Variants in DPY19L3 observed in about 807,000 individuals in gnomAD.
DPY19L3 encodes the protein protein C-mannosyl-transferase DPY19L3.
In DPY19L3, 51 loss-of-function variants were observed where a neutral mutation model predicts 92.3. The observed-to-expected ratio is 0.55, with a 90% confidence interval of 0.44 to 0.70. The LOEUF (loss-of-function observed/expected upper bound fraction) is 0.70, where lower values mean the gene tolerates loss of function less well. Ranked by LOEUF, DPY19L3 falls within the 30% of genes least tolerant of loss-of-function variation. DPY19L3 has a pLI of 0.00. For synonymous variants in DPY19L3, 309 were observed against 315.2 expected, an observed-to-expected ratio of 0.98 and a Z score of 0.21; for missense variants, 706 against 855.9, an observed-to-expected ratio of 0.82 and a Z score of 2.18.
chr19:32,463,276 G>T (rs1970096924), intron 12 of DPY19L3, 90 bp from the exon 13 acceptor site: 48 of 1,359,758 alleles, frequency 3.5e-5, no homozygotes, highest in Non-Finnish European at 4.7e-5. Context: ...AATACATAAA[G>T]GCATACATTT....
At chr19:32,475,201 T>G (rs1970469708) in intron 16 of DPY19L3, among the ~76,000 whole-genome samples, 1 of 152,236 alleles carries the variant, frequency 6.6e-6, no homozygotes, top group African/African-American at 2.4e-5. Flanking sequence ...AGATTCCTAT[T>G]ATACATTCAA....
chr19:32,459,800 A>G (rs2145583301), intron 12 of DPY19L3, among the ~76,000 whole-genome samples: 1 of 152,314 alleles, frequency 6.6e-6, no homozygotes, highest in South Asian at 2.1e-4. Flanking sequence ...CCAGATAGGG[A>G]TATTAGGACT....
At chr19:32,419,390 T>C (rs1968488373) in intron 3 of DPY19L3, among the ~76,000 whole-genome samples, 1 of 152,120 alleles carries the variant, frequency 6.6e-6, no homozygotes, top group African/African-American at 2.4e-5. Context: ...CTGGGTCTCC[T>C]GACCTCGTGA....
intron 15 of DPY19L3, chr19:32,468,433 A>G: frequency 1.9e-6 from 2 of 1,053,188 alleles, no homozygotes; most frequent in Non-Finnish European, 1.1e-6. Context: ...TTTGCCAGGT[A>G]TTATCATCAC....
In DPY19L3 at chr19:32,468,730, G is replaced by A. The variant is rs1239018355; in HGVS notation, c.1615-1G>A. 1.2e-6 allele frequency: 2 copies of A among 1,613,474 alleles called. No individual in the cohort carries two copies. Among genetic ancestry groups the A allele is most frequent in the African/African-American group, 1.3e-5 (1 of 74,890 alleles). On this transcript the variant is annotated splice_acceptor_variant, in intron 15 of 18. Coordinates refer to ENST00000392250, the MANE Select transcript of DPY19L3 (RefSeq NM_001172774.2). LOFTEE classifies it high-confidence loss of function. ...TTGTTTTGTTTTGTTTTTAATTTCA[G>A]TTCTGGCCAGGAATGATGGATGAAC... is the stretch of plus-strand genomic sequence containing the variant.
At chr19:32,471,390 C>T (rs1272534473) in intron 16 of DPY19L3, among the ~76,000 whole-genome samples, 1 of 152,206 alleles carries the variant, frequency 6.6e-6, no homozygotes, top group African/African-American at 2.4e-5. Flanking sequence ...GCAATCATCA[C>T]GGCATCTATC....
intron 15 of DPY19L3, 99 bp from the exon 16 acceptor site, chr19:32,468,632 C>A: frequency 1.3e-6 from 2 of 1,490,150 alleles, no homozygotes; most frequent in Admixed American, 2.3e-5. Flanking sequence ...ATTTAGTTCA[C>A]ACATTATATG....
chr19:32,439,107 T>C lies in DPY19L3; in HGVS notation c.597-5T>C. 1 of 1,606,698 alleles carries C rather than the reference T, an allele frequency of 6.2e-7. No homozygotes were observed. The highest frequency in any genetic ancestry group is 8.5e-7 in the Non-Finnish European group (1 of 1,177,038). On this transcript the variant is annotated splice_polypyrimidine_tract_variant and splice_region_variant and intron_variant, in intron 6 of 18. Transcript: ENST00000392250. ...CTTTGGCCATTTGTGTTTTCTTTTG[T>C]GCAGAATAGATACCACAAGAGTTGA...
chr19:32,447,717 A>C (rs191451673), intron 8 of DPY19L3, among the ~76,000 whole-genome samples: 5 of 138,054 alleles, frequency 3.6e-5, no homozygotes, highest in African/African-American at 1.4e-4. Context: ...ACTCCGTCTC[A>C]TTCATAGATA....
At chr19:32,442,592 C>T (rs1050954890) in intron 8 of DPY19L3, among the ~76,000 whole-genome samples, 2 of 152,114 alleles carry the variant, frequency 1.3e-5, no homozygotes, top group East Asian at 1.9e-4. Flanking sequence ...AATTTGACAG[C>T]GAGTTTCTTG....
At chr19:32,423,657 AATAAC>A (rs554765514) in intron 3 of DPY19L3, among the ~76,000 whole-genome samples, 42 of 152,200 alleles carry the variant, frequency 2.8e-4, no homozygotes, top group East Asian at 7.7e-4. Context: ...AATGCATAAT[AATAAC>A]ATAACAGTGT....
intron 7 of DPY19L3, 101 bp from the exon 8 acceptor site, chr19:32,439,675 T>A: frequency 8.2e-7 from 1 of 1,215,638 alleles, no homozygotes; most frequent in Non-Finnish European, 1.1e-6. Context: ...ATGGTTTTTC[T>A]GTTTGGTTTA....
rs535750511 is a variant in DPY19L3, at chr19:32,417,932, A to T, written c.237+6560A>T. Among the ~76,000 whole-genome samples the T allele has an allele frequency of 1.6e-4, 24 of 152,330 alleles. No individual in the cohort carries two copies. The East Asian group carries it at 4.4e-3, about 28-fold the overall frequency. On this transcript the variant is annotated intron_variant, in intron 3 of 18. Coordinates refer to ENST00000392250, the MANE Select transcript of DPY19L3 (RefSeq NM_001172774.2). ...CTCAGGTTTGACTATGTTGTGAGGC[A>T]CTTTTAAAGCAGTCCACCTAGAAAT...
rs763878310 is a variant in DPY19L3, at chr19:32,408,295, A to G, written c.42A>G (p.Glu14=). 5 of 1,613,800 alleles carry G rather than the reference A, an allele frequency of 3.1e-6. No homozygotes were observed. In the African/African-American group the frequency reaches 4.0e-5, roughly 13 times the overall value. The change falls in exon 2 of 19, where the codon GAA becomes GAG. Residue 14 remains glutamate, a synonymous_variant. Transcript: ENST00000392250. Reference sequence around the variant, plus strand: ...AAAGAAGAGAAATAAGAGCCACAGAAGTTTCTGAAGACTTTCCAGCCCAAG... The same window carrying G: ...AAAGAAGAGAAATAAGAGCCACAGAGGTTTCTGAAGACTTTCCAGCCCAAG... The part of the protein sequence containing the change: ...IRQRREIRAT[E]VSEDFPAQEE...
chr19:32,464,700 T>C (rs750993007), intron 14 of DPY19L3, 28 bp from the exon 15 acceptor site: 10 of 1,345,600 alleles, frequency 7.4e-6, no homozygotes, highest in South Asian at 2.7e-5. Context: ...AAAATACTTA[T>C]AATCTAAATA....
At chr19:32,414,832 TTAAA>T (rs1224181884) in intron 3 of DPY19L3, among the ~76,000 whole-genome samples, 5 of 152,150 alleles carry the variant, frequency 3.3e-5, no homozygotes, top group Non-Finnish European at 5.9e-5. Context: ...CCTACTTTCC[TTAAA>T]TAAATACACC....
At chr19:32,450,673 G>A (rs1228486203) in intron 8 of DPY19L3, among the ~76,000 whole-genome samples, 2 of 152,194 alleles carry the variant, frequency 1.3e-5, no homozygotes, top group African/African-American at 4.8e-5. Context: ...CAAATCTGTA[G>A]AGAACAGTAC....
Position 32,458,367 on chromosome 19 carries a change from C to T in DPY19L3, c.1180C>T (p.Leu394Phe), listed in dbSNP as rs1189378036. The stretch of plus-strand genomic sequence containing the variant: ...GTTCCCTAGGGATTTTGATGCAAAT[C>T]TCTATCTGTGTGAAGAAGCTTTTGG... ...LGATRDFDAN[L>F]YLCEEAFGLL... Residue 394 changes from leucine to phenylalanine, a missense_variant, in exon 12 of 19, where the codon CTC becomes TTC. Leu to Phe is a conservative substitution (Grantham distance 22). Coordinates refer to ENST00000392250, the MANE Select transcript of DPY19L3 (RefSeq NM_001172774.2). 1 of 1,611,658 alleles carries T rather than the reference C, an allele frequency of 6.2e-7. No individual in the cohort carries two copies. Among genetic ancestry groups the T allele is most frequent in the African/African-American group, 1.3e-5 (1 of 74,768 alleles).
At chr19:32,424,837 T>C (rs1175402073) in intron 3 of DPY19L3, among the ~76,000 whole-genome samples, 1 of 152,210 alleles carries the variant, frequency 6.6e-6, no homozygotes, top group African/African-American at 2.4e-5. Context: ...CAAAACTTAC[T>C]ATACAGCCAC....
Sources: allele counts gnomAD v4.1 joint callset (sites outside exome capture counted in the v4.1 genomes callset), GRCh38; gene constraint gnomAD v4.1.1; transcripts MANE v1.5; gene names NCBI Gene and HGNC (gene_info 2026-07-23, HGNC 2026-07-21).